SLC19A3: variants seen among roughly 807,000 people sequenced by gnomAD.
SLC19A3 encodes thiamine transporter 2.
SLC19A3 carries 31 observed loss-of-function variants against 40.2 expected under a neutral mutation model. That is an observed-to-expected ratio of 0.77 (90% CI 0.58 to 1.04). The LOEUF is 1.04. Among genes scored for constraint, SLC19A3 ranks in the 50% least tolerant of loss-of-function variants. SLC19A3 has a pLI of 0.00. For synonymous variants in SLC19A3, 212 were observed against 227.5 expected (o/e 0.93, Z 0.61); for missense variants, 592 against 596.7 (o/e 0.99, Z 0.08).
At chr2:227,705,703 C>T (rs558559291) in intron 1 of SLC19A3, among the ~76,000 whole-genome samples, 161 of 152,112 alleles carry the variant, frequency 1.1e-3, no homozygotes, top group African/African-American at 3.8e-3. Flanking sequence ...ACAACATGCC[C>T]TCGGGTCTGT....
chr2:227,710,107 G>A (rs1245182754), intron 1 of SLC19A3, among the ~76,000 whole-genome samples: 1 of 152,076 alleles, frequency 6.6e-6, no homozygotes, highest in African/African-American at 2.4e-5. Flanking sequence ...GGGAGACGGA[G>A]CTCAGGTGGT....
chr2:227,705,822 G>A (rs1434550021), intron 1 of SLC19A3, among the ~76,000 whole-genome samples: 4 of 152,080 alleles, frequency 2.6e-5, no homozygotes, highest in Non-Finnish European at 4.4e-5. Flanking sequence ...GTTTACCTGT[G>A]TAACAAACCT....
In SLC19A3 at chr2:227,685,199, C is replaced by T. The variant is rs1477385785; in HGVS notation, c.*2198G>A. The T allele has an allele frequency of 6.6e-6, 1 of 151,902 alleles. No individual in the cohort carries two copies. The highest frequency in any genetic ancestry group is 2.4e-5 in the African/African-American group (1 of 41,342). 9.4% of individuals were successfully genotyped at this position (151,902 alleles called of 1,614,324 possible). ...TTATCACATTGCTATAAAGAAACAC[C>T]TGAGACTAGATAGTTTGTAAGAAAA... On this transcript the variant is annotated 3_prime_UTR_variant, in exon 6 of 6. Coordinates refer to ENST00000644224, the MANE Select transcript of SLC19A3 (RefSeq NM_025243.4).
At chr2:227,698,396 C>T (rs1182404218) in intron 3 of SLC19A3, among the ~76,000 whole-genome samples, 3 of 151,952 alleles carry the variant, frequency 2.0e-5, no homozygotes, top group Non-Finnish European at 4.4e-5. Context: ...CTCCTGTCCT[C>T]GTGATTCGCC....
chr2:227,698,466 A>AT (rs1160583157), intron 3 of SLC19A3, among the ~76,000 whole-genome samples: 1 of 151,122 alleles, frequency 6.6e-6, no homozygotes, highest in East Asian at 2.0e-4. Context: ...TACCTATTTT[A>AT]TTTTTTGTAT....
chr2:227,699,335 A>G lies in SLC19A3; in HGVS notation c.380T>C (p.Ile127Thr). The G allele has an allele frequency of 6.2e-7, 1 of 1,614,182 alleles. No homozygotes were observed. Among genetic ancestry groups the G allele is most frequent in the Non-Finnish European group, 8.5e-7 (1 of 1,180,042 alleles). The change falls in exon 3 of 6, where the codon ATA becomes ACA. Residue 127 changes from isoleucine (I) to threonine (T), a missense_variant. By Grantham distance (89) the Ile-to-Thr change is moderately conservative. Transcript: ENST00000644224. ...TAAEVAYYAY[I>T]YSVVSPEHYQ... is the part of the protein sequence containing the mutation. ...GTGCTCGGGGCTGACCACGCTGTAT[A>G]TGTAGGCGTAGTAGGCCACCTCGGC...
Position 227,696,002 on chromosome 2 carries a change from T to A in SLC19A3, c.1059A>T (p.Ser353=). 1 of 1,614,144 alleles carries A rather than the reference T, an allele frequency of 6.2e-7. No homozygotes were observed. Among genetic ancestry groups the A allele is most frequent in the Non-Finnish European group, 8.5e-7 (1 of 1,180,032 alleles). The change falls in exon 4 of 6, where the codon TCA becomes TCT. Residue 353 remains serine, a synonymous_variant. Coordinates refer to ENST00000644224, the MANE Select transcript of SLC19A3 (RefSeq NM_025243.4). ...LLGELALVVF[S]VVNAGSLFLM... ...GAAATAAAGAACCGGCATTGACAACTGAGAAGACCACCAGAGCCAGCTCTC... is the reference window on the plus strand; with the variant it reads ...GAAATAAAGAACCGGCATTGACAACAGAGAAGACCACCAGAGCCAGCTCTC...
chr2:227,705,242 T>C (rs1410252661), intron 1 of SLC19A3, among the ~76,000 whole-genome samples: 1 of 152,108 alleles, frequency 6.6e-6, no homozygotes, highest in African/African-American at 2.4e-5. Flanking sequence ...GTCAGCAATA[T>C]ATAAATACAA....
Position 227,704,880 on chromosome 2 carries a change from A to G in SLC19A3, c.-2-2560T>C, listed in dbSNP as rs548174048. ...AATTTAGTATGGGGTTGCAAACAGC[A>G]TTATTATTATTATTATTTGAGATGG... On this transcript the variant is annotated intron_variant, in intron 1 of 5. Transcript: ENST00000644224. Among the ~76,000 whole-genome samples, 59 of 54,890 alleles carry G rather than the reference A, an allele frequency of 1.1e-3. 1 individual carries two copies. The East Asian group carries it at 0.013, about 12-fold the overall frequency. The allele number at this position is 54,890 out of a possible 152,430, so 36.0% of individuals were successfully genotyped here.
chr2:227,696,114 A>G (rs1695427482), intron 3 of SLC19A3, 33 bp from the exon 4 acceptor site: 1 of 1,599,318 alleles, frequency 6.3e-7, no homozygotes, highest in Non-Finnish European at 8.6e-7. Context: ...ATCAAACATA[A>G]TGACTTTGCA....
At chr2:227,699,997 C>A (rs1034800233) in intron 2 of SLC19A3, among the ~76,000 whole-genome samples, 20 of 151,900 alleles carry the variant, frequency 1.3e-4, no homozygotes, top group African/African-American at 4.8e-4. Context: ...CCCATCTCAG[C>A]CTCCTGAGTA....
chr2:227,700,555 G>T (rs1695646653), intron 2 of SLC19A3, among the ~76,000 whole-genome samples: 1 of 151,976 alleles, frequency 6.6e-6, no homozygotes, highest in South Asian at 2.1e-4. Flanking sequence ...ACAACAAAAA[G>T]AATCCAACAG....
chr2:227,691,463 G>A (rs934100094), intron 4 of SLC19A3, among the ~76,000 whole-genome samples: 2 of 152,078 alleles, frequency 1.3e-5, no homozygotes, highest in Non-Finnish European at 2.9e-5. Context: ...ACAAAAATTA[G>A]CCAGGTGTGG....
chr2:227,717,471 T>C (rs745556051), intron 1 of SLC19A3, among the ~76,000 whole-genome samples: 1 of 152,172 alleles, frequency 6.6e-6, no homozygotes, highest in Non-Finnish European at 1.5e-5. Context: ...TTTTGTAAGG[T>C]GTAGTTGCGT....
chr2:227,687,708 G>A, intron 5 of SLC19A3, 135 bp from the exon 6 acceptor site: 1 of 794,644 alleles, frequency 1.3e-6, no homozygotes, highest in Non-Finnish European at 2.1e-6. Flanking sequence ...CATTTAGGTT[G>A]AACAATACTC....
rs1359744569 is a variant in SLC19A3 at position 227,687,379 on chromosome 2, G to A, written c.*18C>T. 1 of 1,589,604 alleles carries A rather than the reference G, an allele frequency of 6.3e-7. No homozygotes were observed. The highest frequency in any genetic ancestry group is 2.3e-5 in the East Asian group (1 of 44,432). On this transcript the variant is annotated 3_prime_UTR_variant, in exon 6 of 6. Transcript: ENST00000644224. ...TTGCATAACTTTGAAAGCCACTGTT[G>A]CGTTTGTTGCGATGAGGTTAGAGTT...
At chr2:227,694,170 C>T (rs141871107) in intron 4 of SLC19A3, among the ~76,000 whole-genome samples, 3 of 152,130 alleles carry the variant, frequency 2.0e-5, no homozygotes, top group Admixed American at 2.0e-4. Context: ...CCATGCCCAG[C>T]TAATTTTTGT....
chr2:227,692,323 A>T (rs931907450), intron 4 of SLC19A3, among the ~76,000 whole-genome samples: 8 of 152,224 alleles, frequency 5.3e-5, no homozygotes, highest in African/African-American at 1.9e-4. Flanking sequence ...TAGCAAACTG[A>T]ATTCAATAAT....
At chr2:227,696,106 C>T in intron 3 of SLC19A3, 25 bp from the exon 4 acceptor site, 1 of 1,609,790 alleles carries the variant, frequency 6.2e-7, no homozygotes, top group Non-Finnish European at 8.5e-7. Context: ...TGAAGGCAAT[C>T]AAACATAATG....
Sources: gnomAD v4.1 joint callset for allele counts (sites outside exome capture counted in the v4.1 genomes callset) on GRCh38, gnomAD v4.1.1 for gene constraint, MANE v1.5 for transcripts, NCBI Gene and HGNC (gene_info 2026-07-23, HGNC 2026-07-21) for gene names.